Variants in GRID2 observed in about 807,000 individuals in gnomAD.
The protein encoded by GRID2 is glutamate ionotropic receptor delta type subunit 2.
GRID2 carries 33 observed loss-of-function variants against 114.8 expected under a neutral mutation model. That is an observed-to-expected ratio of 0.29 (90% CI 0.22 to 0.38). The LOEUF (loss-of-function observed/expected upper bound fraction) is 0.38. Ranked by LOEUF, GRID2 falls within the 10% of genes least tolerant of loss-of-function variation. The pLI, the probability that GRID2 is intolerant of heterozygous loss-of-function variation, is 1.00. For missense variants in GRID2, 1,184 were observed against 1,257.7 expected, an observed-to-expected ratio of 0.94 and a Z score of 0.89; for synonymous variants, 505 against 449.9, an observed-to-expected ratio of 1.12 and a Z score of -1.55.
rs1729626158 is a variant in GRID2, at chr4:93,079,129, C to A, written c.245-5866C>A. 1.3e-5 allele frequency among the ~76,000 whole-genome samples: 2 copies of A among 151,392 alleles called. 1 individual carries two copies. The highest frequency in any genetic ancestry group is 4.1e-4 in the South Asian group (2 of 4,832). On this transcript the variant is annotated intron_variant, in intron 2 of 15. Transcript: ENST00000282020. The stretch of plus-strand genomic sequence containing the variant: ...AATGTATGTGAAACCATTTTTTAAA[C>A]TCCAAACAAAATAAAAATAAAGTAA...
intron 11 of GRID2, among the ~76,000 whole-genome samples, chr4:93,463,250 T>C (rs1723923404): frequency 1.3e-5 from 2 of 152,132 alleles, no homozygotes; most frequent in South Asian, 2.1e-4. Context: ...ATTCTACCAA[T>C]AGTGAGGAGT....
intron 2 of GRID2, among the ~76,000 whole-genome samples, chr4:92,904,990 A>G (rs1477785656): frequency 6.6e-6 from 1 of 152,052 alleles, no homozygotes; most frequent in African/African-American, 2.4e-5. Flanking sequence ...CAAGGTGGCA[A>G]TTTGCTACAT....
At chr4:93,153,562 C>T (rs541869422) in intron 4 of GRID2, among the ~76,000 whole-genome samples, 27 of 152,060 alleles carry the variant, frequency 1.8e-4, no homozygotes, top group African/African-American at 6.5e-4. Context: ...GAGTTCTAGC[C>T]GATGTGCTAT....
chr4:93,149,302 G>T (rs1305295263), intron 4 of GRID2, among the ~76,000 whole-genome samples: 2 of 152,006 alleles, frequency 1.3e-5, no homozygotes, highest in Non-Finnish European at 2.9e-5. Flanking sequence ...TGCCAGGCAG[G>T]GTGGCTGACG....
intron 1 of GRID2, among the ~76,000 whole-genome samples, chr4:93,806,427 C>T (rs951874506): frequency 1.2e-4 from 19 of 152,172 alleles, no homozygotes; most frequent in African/African-American, 4.6e-4. Flanking sequence ...CTCTAAACTA[C>T]CAAAGTATCC....
chr4:92,743,335 T>C (rs1366532135), intron 2 of GRID2, among the ~76,000 whole-genome samples: 1 of 152,210 alleles, frequency 6.6e-6, no homozygotes, highest in African/African-American at 2.4e-5. Flanking sequence ...TCTGTTGTTA[T>C]AGGCCATTAT....
At chr4:93,566,163 G>A (rs1397703234) in intron 13 of GRID2, among the ~76,000 whole-genome samples, 1 of 152,136 alleles carries the variant, frequency 6.6e-6, no homozygotes, top group African/African-American at 2.4e-5. Flanking sequence ...AAAGCAAATT[G>A]TGACACTATC....
At chr4:92,617,928 T>A (rs1302952756) in intron 2 of GRID2, among the ~76,000 whole-genome samples, 1 of 151,716 alleles carries the variant, frequency 6.6e-6, no homozygotes, top group Non-Finnish European at 1.5e-5. Flanking sequence ...CCCTGTTGAA[T>A]GAGTAGTGTG....
chr4:93,556,210 G>A (rs1734301003), intron 13 of GRID2, among the ~76,000 whole-genome samples: 1 of 152,116 alleles, frequency 6.6e-6, no homozygotes, highest in Non-Finnish European at 1.5e-5. Flanking sequence ...CTCCTCCAAA[G>A]GATCACAACT....
At chr4:93,385,148 C>A (rs1764201536) in intron 8 of GRID2, among the ~76,000 whole-genome samples, 1 of 152,150 alleles carries the variant, frequency 6.6e-6, no homozygotes, top group Non-Finnish European at 1.5e-5. Flanking sequence ...TCAGCAAGAG[C>A]AAGGCATCTG....
intron 1 of GRID2, among the ~76,000 whole-genome samples, chr4:92,589,603 C>G (rs1728614684): frequency 2.0e-5 from 3 of 151,986 alleles, no homozygotes; most frequent in Admixed American, 2.0e-4. Context: ...TTTACATTTT[C>G]TATAAATATT....
At chr4:93,324,769 G>T (rs1429156780) in intron 8 of GRID2, among the ~76,000 whole-genome samples, 3 of 152,066 alleles carry the variant, frequency 2.0e-5, no homozygotes, top group Non-Finnish European at 4.4e-5. Flanking sequence ...TCTTGGGAGG[G>T]TGTATGTTTC....
At chr4:92,793,113 C>T (rs1435352384) in intron 2 of GRID2, among the ~76,000 whole-genome samples, 2 of 151,670 alleles carry the variant, frequency 1.3e-5, no homozygotes, top group Non-Finnish European at 2.9e-5. Context: ...GTTCCATATA[C>T]CAGGTCAGTG....
At position 92,676,341 on chromosome 4, in the gene GRID2, G is replaced by T. The variant is rs187371667; in HGVS notation, c.244+86055G>T. 4.5e-3 allele frequency among the ~76,000 whole-genome samples: 687 copies of T among 151,774 alleles called. 1 individual carries two copies. The highest frequency in any genetic ancestry group is 7.9e-3 in the Non-Finnish European group (535 of 67,922). ...ACTACAGGTGCCCACCACAACGCCC[G>T]GCTAATTTGTTGTATTTTTTAGTAA... On this transcript the variant is annotated intron_variant, in intron 2 of 15. Coordinates refer to ENST00000282020, the MANE Select transcript of GRID2 (RefSeq NM_001510.4).
chr4:92,361,416 T>C (rs978140541), intron 1 of GRID2, among the ~76,000 whole-genome samples: 5 of 152,050 alleles, frequency 3.3e-5, no homozygotes, highest in African/African-American at 1.2e-4. Context: ...AAATTGTGTA[T>C]GTAAATTGTA....
At chr4:92,759,800 T>C (rs1219843586) in intron 2 of GRID2, among the ~76,000 whole-genome samples, 3 of 150,978 alleles carry the variant, frequency 2.0e-5, no homozygotes, top group Non-Finnish European at 4.4e-5. Flanking sequence ...TTTTTTTTTT[T>C]GTATTTAGTA....
At chr4:92,958,398 G>A (rs187157930) in intron 2 of GRID2, among the ~76,000 whole-genome samples, 1 of 152,054 alleles carries the variant, frequency 6.6e-6, no homozygotes, top group East Asian at 1.9e-4. Flanking sequence ...GATTTTGTCA[G>A]ATGCTTTTTC....
chr4:92,963,542 C>T (rs1265687137), intron 2 of GRID2, among the ~76,000 whole-genome samples: 1 of 151,916 alleles, frequency 6.6e-6, no homozygotes, highest in Admixed American at 6.6e-5. Flanking sequence ...GCAATTTGGT[C>T]ACATCTTCAG....
Position 92,367,800 on chromosome 4 carries a change from G to A in GRID2, c.88+63056G>A, listed in dbSNP as rs540309536. Among the ~76,000 whole-genome samples, 8 of 152,198 alleles carry A rather than the reference G, an allele frequency of 5.3e-5. No homozygotes were observed. In the East Asian group the frequency reaches 9.7e-4, roughly 18 times the overall value. ...GGTGAAAAATCTCTGTTTGATCTGTGTTAACTACTAGCATCATTACTTCAG... is the reference window on the plus strand; with the variant it reads ...GGTGAAAAATCTCTGTTTGATCTGTATTAACTACTAGCATCATTACTTCAG... On this transcript the variant is annotated intron_variant, in intron 1 of 15. Transcript: ENST00000282020.
Sources: gnomAD v4.1 joint callset for allele counts (sites outside exome capture counted in the v4.1 genomes callset) on GRCh38, gnomAD v4.1.1 for gene constraint, MANE v1.5 for transcripts, NCBI Gene and HGNC (gene_info 2026-07-23, HGNC 2026-07-21) for gene names.